The following SLC25A48 variants were observed in gnomAD, a reference collection of about 807,000 sequenced individuals.
SLC25A48 encodes the protein solute carrier family 25 member 48, also known as CTC-321K16.1.
Under a neutral mutation model 32.2 loss-of-function variants are expected in SLC25A48, and 29 were observed. The ratio of observed to expected loss-of-function variants is 0.90; its 90% CI spans 0.67 to 1.23. The LOEUF (loss-of-function observed/expected upper bound fraction) is 1.23, where lower values mean the gene tolerates loss of function less well. SLC25A48 is among the 50% of genes most tolerant of loss of function. SLC25A48 has a pLI of 0.00. For missense variants in SLC25A48, 399 were observed against 422.7 expected (o/e 0.94, Z 0.49); for synonymous variants, 164 against 172.3 (o/e 0.95, Z 0.38).
chr5:135,794,239 AG>A (rs543625871), intron 3 of SLC25A48, among the ~76,000 whole-genome samples: 3 of 151,216 alleles, frequency 2.0e-5, no homozygotes, highest in East Asian at 2.0e-4. Flanking sequence ...TCTAATATCT[AG>A]GGGGGGAGTG....
chr5:135,874,833 A>G (rs1172040656), intron 6 of SLC25A48: 1 of 545,496 alleles, frequency 1.8e-6, no homozygotes, highest in Non-Finnish European at 3.3e-6. Context: ...CACCCTCCGC[A>G]GGAACTATCC....
At chr5:135,881,375 T>A (rs892295769) in intron 7 of SLC25A48, among the ~76,000 whole-genome samples, 1 of 152,210 alleles carries the variant, frequency 6.6e-6, no homozygotes, top group Non-Finnish European at 1.5e-5. Flanking sequence ...TGCCAGAACC[T>A]GGACAAAGGG....
chr5:135,631,106 A>G (rs1580737466), intron 2 of SLC25A48, among the ~76,000 whole-genome samples: 2 of 152,084 alleles, frequency 1.3e-5, no homozygotes, highest in Non-Finnish European at 1.5e-5. Flanking sequence ...ATGCATGTAC[A>G]TTTTTCCTTT....
At chr5:135,675,292 G>A (rs1753742267) in intron 3 of SLC25A48, among the ~76,000 whole-genome samples, 1 of 151,930 alleles carries the variant, frequency 6.6e-6, no homozygotes, top group Non-Finnish European at 1.5e-5. Flanking sequence ...ATTTTGACAA[G>A]TTGTCTCTTT....
At chr5:135,618,576 A>G (rs1277635637) in intron 1 of SLC25A48, among the ~76,000 whole-genome samples, 1 of 151,532 alleles carries the variant, frequency 6.6e-6, no homozygotes, top group Non-Finnish European at 1.5e-5. Flanking sequence ...CTTTGTTTGT[A>G]TGTTGTATTT....
intron 3 of SLC25A48, among the ~76,000 whole-genome samples, chr5:135,685,099 A>G (rs1219566773): frequency 6.6e-6 from 1 of 152,134 alleles, no homozygotes; most frequent in East Asian, 1.9e-4. Flanking sequence ...TCCCAATCTG[A>G]AAGGTTAAAA....
intron 1 of SLC25A48, among the ~76,000 whole-genome samples, chr5:135,835,893 C>T (rs1049167523): frequency 2.0e-5 from 3 of 152,160 alleles, no homozygotes; most frequent in African/African-American, 4.8e-5. Context: ...CTGCTTCACA[C>T]CTTCCTGAGC....
chr5:135,855,131 A>G (rs1760204881), intron 4 of SLC25A48, among the ~76,000 whole-genome samples: 2 of 152,256 alleles, frequency 1.3e-5, no homozygotes, highest in African/African-American at 4.8e-5. Flanking sequence ...ACAGATCATC[A>G]TAACAGATAT....
chr5:135,668,295 G>A (rs564896976), intron 3 of SLC25A48, among the ~76,000 whole-genome samples: 1 of 152,278 alleles, frequency 6.6e-6, no homozygotes, highest in African/African-American at 2.4e-5. Flanking sequence ...AAATGAATAT[G>A]AGCTATTTAT....
intron 3 of SLC25A48, among the ~76,000 whole-genome samples, chr5:135,796,382 C>A (rs1757180288): frequency 6.7e-6 from 1 of 149,984 alleles, no homozygotes; most frequent in African/African-American, 2.5e-5. Context: ...TGATATCACG[C>A]CTTTTATCGC....
chr5:135,831,076 G>A (rs915024557), upstream of SLC25A48, among the ~76,000 whole-genome samples: 1 of 152,196 alleles, frequency 6.6e-6, no homozygotes, highest in Non-Finnish European at 1.5e-5. Flanking sequence ...AGGAGGGCAG[G>A]GAGAGGGAGC....
At chr5:135,735,425 G>A (rs1165832020) in intron 3 of SLC25A48, among the ~76,000 whole-genome samples, 1 of 152,228 alleles carries the variant, frequency 6.6e-6, no homozygotes, top group Admixed American at 6.5e-5. Flanking sequence ...GGGCCTTCAA[G>A]GTCTAGGGCT....
intron 3 of SLC25A48, among the ~76,000 whole-genome samples, chr5:135,794,187 C>G (rs1476253705): frequency 6.6e-6 from 1 of 151,676 alleles, no homozygotes; most frequent in Non-Finnish European, 1.5e-5. Context: ...TGGCATGACT[C>G]TCATTATCGC....
chr5:135,754,845 T>G (rs924353732), intron 3 of SLC25A48, among the ~76,000 whole-genome samples: 3 of 152,058 alleles, frequency 2.0e-5, no homozygotes, highest in African/African-American at 7.2e-5. Context: ...ATTAATAAAA[T>G]ATTGCTCTGA....
intron 1 of SLC25A48, among the ~76,000 whole-genome samples, chr5:135,595,194 TG>T (rs1244845529): frequency 2.0e-5 from 3 of 152,206 alleles, no homozygotes; most frequent in African/African-American, 7.2e-5. Context: ...TCCCTTACCC[TG>T]CTCCACTCTC....
At chr5:135,749,286 C>A (rs12518942) in intron 3 of SLC25A48, among the ~76,000 whole-genome samples, 67,753 of 150,262 alleles carry the variant, frequency 0.45, 15,969 homozygotes, top group Non-Finnish European at 0.53. Context: ...GTTCCACACA[C>A]AAAAAAAAAC....
intron 3 of SLC25A48, among the ~76,000 whole-genome samples, chr5:135,806,928 CGTA>C (rs563878651): frequency 0.01 from 1,559 of 149,828 alleles, 16 homozygotes; most frequent in Non-Finnish European, 0.016. Flanking sequence ...TTATTAATAT[CGTA>C]GTGTGTTAAC....
chr5:135,820,430 A>G (rs1757855272), intron 4 of SLC25A48, among the ~76,000 whole-genome samples: 1 of 152,224 alleles, frequency 6.6e-6, no homozygotes, highest in African/African-American at 2.4e-5. Flanking sequence ...GAAAAGAGGC[A>G]TTTCTATATA....
intron 1 of SLC25A48, among the ~76,000 whole-genome samples, chr5:135,587,246 G>T (rs750374784): frequency 7.9e-5 from 12 of 152,206 alleles, no homozygotes; most frequent in African/African-American, 2.9e-4. Flanking sequence ...TTGCCCTGGC[G>T]TGTCTTGAAT....
Sources: gnomAD v4.1 joint callset for allele counts (sites outside exome capture counted in the v4.1 genomes callset) on GRCh38, gnomAD v4.1.1 for gene constraint, MANE v1.5 for transcripts, NCBI Gene and HGNC (gene_info 2026-07-23, HGNC 2026-07-21) for gene names.